Variants in NXPE2 observed in about 807,000 individuals in gnomAD.
The protein encoded by NXPE2 is NXPE family member 2.
Under a neutral mutation model 34.4 loss-of-function variants are expected in NXPE2, and 34 were observed. The ratio of observed to expected loss-of-function variants is 0.99; its 90% CI spans 0.75 to 1.31. The LOEUF (loss-of-function observed/expected upper bound fraction) is 1.31, where lower values mean the gene tolerates loss of function less well. NXPE2 is among the 40% of genes most tolerant of loss of function. NXPE2 has a pLI of 0.00. For synonymous variants in NXPE2, 235 were observed against 231.3 expected, an observed-to-expected ratio of 1.02 and a Z score of -0.15; for missense variants, 649 against 672.5, an observed-to-expected ratio of 0.97 and a Z score of 0.39.
the NXPE2 span, among the ~76,000 whole-genome samples, chr11:114,773,974 T>C: frequency 1.3e-5 from 2 of 152,236 alleles, no homozygotes; most frequent in African/African-American, 4.8e-5. Flanking sequence ...TCCATAATCA[T>C]GAGAGCTAAT....
the NXPE2 span, among the ~76,000 whole-genome samples, chr11:114,492,309 CTT>C: frequency 1.3e-5 from 2 of 151,970 alleles, no homozygotes; most frequent in African/African-American, 2.4e-5. Flanking sequence ...AAAAATCCCT[CTT>C]GTTATCGATT....
the NXPE2 span, among the ~76,000 whole-genome samples, chr11:114,739,427 G>A: frequency 3.3e-5 from 4 of 120,014 alleles, no homozygotes; most frequent in African/African-American, 9.4e-5. Flanking sequence ...TTCTTCCCTC[G>A]TTCTTTTCTT....
the NXPE2 span, among the ~76,000 whole-genome samples, chr11:114,616,275 G>A: frequency 3.3e-5 from 5 of 151,432 alleles, no homozygotes; most frequent in South Asian, 2.1e-4. Flanking sequence ...ATGTTGCCTC[G>A]TGGGTAGCCA....
At position 114,698,497 on chromosome 11, in the gene NXPE2, C is replaced by T; in HGVS notation, c.585C>T (p.His195=). 3 of 1,614,112 alleles carry T rather than the reference C, an allele frequency of 1.9e-6. No individual in the cohort carries two copies. The highest frequency in any genetic ancestry group is 2.2e-5 in the South Asian group (2 of 91,076). ...GQVSLSLLLI[H]PSEGVSALWR... The stretch of plus-strand genomic sequence containing the variant: ...TTTCCCTGTCTCTGCTGCTCATCCA[C>T]CCCAGTGAAGGGGTATCAGCTCTCT... The change falls in exon 3 of 6, where the codon CAC becomes CAT. Residue 195 remains histidine, a synonymous_variant. Coordinates refer to ENST00000389586, the MANE Select transcript of NXPE2 (RefSeq NM_182495.6).
At chr11:114,569,535 C>G in the NXPE2 span, among the ~76,000 whole-genome samples, 4 of 152,170 alleles carry the variant, frequency 2.6e-5, no homozygotes, top group Non-Finnish European at 5.9e-5. Flanking sequence ...AACTGGTACT[C>G]TGCCCCATGG....
At chr11:114,558,353 A>G in the NXPE2 span, among the ~76,000 whole-genome samples, 1 of 152,152 alleles carries the variant, frequency 6.6e-6, no homozygotes, top group Non-Finnish European at 1.5e-5. Flanking sequence ...CATAGAGAAC[A>G]AAGATGATTA....
chr11:114,550,048 C>T, the NXPE2 span, among the ~76,000 whole-genome samples: 1 of 151,998 alleles, frequency 6.6e-6, no homozygotes, highest in Non-Finnish European at 1.5e-5. Flanking sequence ...ACTCACAAAA[C>T]ACTACTGAAG....
the NXPE2 span, among the ~76,000 whole-genome samples, chr11:114,763,278 T>C: frequency 7.2e-5 from 11 of 152,182 alleles, no homozygotes; most frequent in Middle Eastern, 3.2e-3. Context: ...AACTCACTGA[T>C]TAAAGTAAAA....
chr11:114,614,872 C>T, the NXPE2 span, among the ~76,000 whole-genome samples: 1 of 150,988 alleles, frequency 6.6e-6, no homozygotes, highest in Non-Finnish European at 1.5e-5. Context: ...CACTGTTTCC[C>T]AGTGTATAAT....
the NXPE2 span, among the ~76,000 whole-genome samples, chr11:114,574,423 C>A: frequency 1.3e-5 from 2 of 151,838 alleles, no homozygotes; most frequent in African/African-American, 4.8e-5. Context: ...AAAGCTGGTT[C>A]TTTGAAAAGA....
the NXPE2 span, among the ~76,000 whole-genome samples, chr11:114,502,192 T>C: frequency 6.6e-6 from 1 of 152,190 alleles, no homozygotes; most frequent in Non-Finnish European, 1.5e-5. Flanking sequence ...TTGGGTGTTC[T>C]GTACTGTGCC....
chr11:114,581,830 A>C, the NXPE2 span: 4 of 1,323,896 alleles, frequency 3.0e-6, no homozygotes, highest in Non-Finnish European at 4.3e-6. Context: ...GTGGCCTCAA[A>C]TCAGGAAACA....
the NXPE2 span, among the ~76,000 whole-genome samples, chr11:114,713,098 T>C: frequency 6.6e-6 from 1 of 152,064 alleles, no homozygotes; most frequent in Non-Finnish European, 1.5e-5. Context: ...ACACAGACAG[T>C]AGAAAGGTGG....
chr11:114,654,623 T>G, the NXPE2 span, among the ~76,000 whole-genome samples: 1 of 152,176 alleles, frequency 6.6e-6, no homozygotes, highest in Non-Finnish European at 1.5e-5. Context: ...GCTTCCAGCT[T>G]CATCTATGTC....
At chr11:114,599,388 A>G in the NXPE2 span, among the ~76,000 whole-genome samples, 15 of 152,114 alleles carry the variant, frequency 9.9e-5, no homozygotes, top group African/African-American at 3.6e-4. Context: ...TTTCTCTTAT[A>G]TTCTTGTCTT....
the NXPE2 span, among the ~76,000 whole-genome samples, chr11:114,653,178 A>AAGGGT: frequency 6.6e-6 from 1 of 152,246 alleles, no homozygotes; most frequent in Non-Finnish European, 1.5e-5. Context: ...TATCTGGAGA[A>AAGGGT]AGGGTTTTTA....
At chr11:114,776,568 G>A in the NXPE2 span, among the ~76,000 whole-genome samples, 1 of 152,234 alleles carries the variant, frequency 6.6e-6, no homozygotes, top group African/African-American at 2.4e-5. Context: ...GCAGTTGGAT[G>A]TGTGCGCACA....
At chr11:114,533,112 C>T in the NXPE2 span, among the ~76,000 whole-genome samples, 12 of 152,046 alleles carry the variant, frequency 7.9e-5, no homozygotes, top group Admixed American at 2.0e-4. Context: ...AAACAAAAAT[C>T]CAAGGTATGA....
the NXPE2 span, among the ~76,000 whole-genome samples, chr11:114,618,399 T>C: frequency 2.6e-5 from 4 of 152,044 alleles, no homozygotes; most frequent in Admixed American, 2.6e-4. Flanking sequence ...CAGTGGATAA[T>C]AAGTATTGCC....
Sources: gnomAD v4.1 joint callset for allele counts (sites outside exome capture counted in the v4.1 genomes callset) on GRCh38, gnomAD v4.1.1 for gene constraint, MANE v1.5 for transcripts, NCBI Gene and HGNC (gene_info 2026-07-23, HGNC 2026-07-21) for gene names.